OXCT1: variants seen among roughly 807,000 people sequenced by gnomAD.
OXCT1 encodes succinyl-CoA:3-ketoacid coenzyme A transferase 1, mitochondrial.
A neutral mutation model predicts 69.6 loss-of-function variants in OXCT1; 27 were observed. The observed-to-expected ratio is 0.39, with a 90% confidence interval of 0.29 to 0.54. The LOEUF is 0.54. OXCT1 is among the 20% of genes least tolerant of loss of function. OXCT1 has a pLI of 0.72. For missense variants in OXCT1, 437 were observed against 650.2 expected (o/e 0.67, Z 3.57); for synonymous variants, 202 against 217.8 (o/e 0.93, Z 0.64).
chr5:41,811,763 C>T (rs921814260), intron 7 of OXCT1, among the ~76,000 whole-genome samples: 2 of 151,894 alleles, frequency 1.3e-5, no homozygotes, highest in Non-Finnish European at 2.9e-5. Flanking sequence ...TCATTGAAAC[C>T]GAGTAGATGG....
intron 13 of OXCT1, among the ~76,000 whole-genome samples, chr5:41,793,688 A>G (rs1281404908): frequency 6.6e-6 from 1 of 152,338 alleles, no homozygotes; most frequent in East Asian, 1.9e-4. Flanking sequence ...AATTTTAGTT[A>G]TGGTAAATAT....
At position 41,801,080 on chromosome 5, in the gene OXCT1, A is replaced by G. The variant is rs1346375494; in HGVS notation, c.1051-10T>C. 2 of 1,595,924 alleles carry G rather than the reference A, an allele frequency of 1.3e-6. No individual in the cohort carries two copies. Among genetic ancestry groups the G allele is most frequent in the African/African-American group, 1.3e-5 (1 of 74,582 alleles). On this transcript the variant is annotated splice_polypyrimidine_tract_variant and intron_variant, in intron 10 of 16. Transcript: ENST00000196371. ...GTCGTGGATATGGACCCTGTCAAAT[A>G]CAACATACATTCAATTAGTAAATGA...
At chr5:41,743,556 T>C (rs1743304800) in intron 15 of OXCT1, among the ~76,000 whole-genome samples, 2 of 152,228 alleles carry the variant, frequency 1.3e-5, no homozygotes, top group East Asian at 1.9e-4. Flanking sequence ...TCCTCGCCCA[T>C]GCCTATGTCC....
chr5:41,861,277 T>TTCTC, intron 3 of OXCT1, 37 bp downstream of exon 3: 1 of 1,280,136 alleles, frequency 7.8e-7, no homozygotes, highest in Non-Finnish European at 1.1e-6. Flanking sequence ...GAATTGGCAT[T>TTCTC]TCTCTCCAGC....
intron 3 of OXCT1, among the ~76,000 whole-genome samples, chr5:41,856,748 G>C (rs1749446645): frequency 1.3e-5 from 2 of 152,150 alleles, no homozygotes; most frequent in Admixed American, 1.3e-4. Context: ...TGGTTCAAAA[G>C]AAAACTAATG....
chr5:41,842,682 T>C lies in OXCT1; in HGVS notation c.664A>G (p.Ile222Val). 6.2e-7 allele frequency: 1 copy of C among 1,609,504 alleles called. No individual in the cohort carries two copies. The highest frequency in any genetic ancestry group is 1.7e-5 in the Admixed American group (1 of 60,004). Residue 222 changes from isoleucine to valine, a missense_variant, in exon 6 of 17, where the codon ATT (isoleucine) becomes GTT (valine). Coordinates refer to ENST00000196371, the MANE Select transcript of OXCT1 (RefSeq NM_000436.4). ...AWKADRAGNV[I>V]FRKSARNFNL... ...TTAAAACTATCACAATACCTGAAAA[T>C]CACGTTTCCTGCTCGGTCCGCCTTC...
At chr5:41,825,860 T>A (rs1486387035) in intron 7 of OXCT1, among the ~76,000 whole-genome samples, 2 of 152,196 alleles carry the variant, frequency 1.3e-5, no homozygotes, top group Non-Finnish European at 2.9e-5. Flanking sequence ...CTTTTCTTTC[T>A]TAAAGAATAA....
chr5:41,759,380 A>G (rs990879774), intron 14 of OXCT1, among the ~76,000 whole-genome samples: 2 of 152,158 alleles, frequency 1.3e-5, no homozygotes, highest in Non-Finnish European at 2.9e-5. Flanking sequence ...TTTAAAGGGC[A>G]GAAGATAAGA....
chr5:41,756,063 A>G (rs1319036411), intron 14 of OXCT1, among the ~76,000 whole-genome samples: 1 of 152,106 alleles, frequency 6.6e-6, no homozygotes, highest in Non-Finnish European at 1.5e-5. Flanking sequence ...ATTAAAAAAC[A>G]CAAGGTTTAT....
chr5:41,835,610 C>T (rs935867912), intron 7 of OXCT1, among the ~76,000 whole-genome samples: 7 of 152,152 alleles, frequency 4.6e-5, no homozygotes, highest in African/African-American at 1.4e-4. Context: ...GCAAACATAC[C>T]ACAATATAAA....
intron 9 of OXCT1, among the ~76,000 whole-genome samples, chr5:41,803,471 T>C (rs570467211): frequency 6.6e-6 from 1 of 152,262 alleles, no homozygotes; most frequent in African/African-American, 2.4e-5. Flanking sequence ...TTTGGGTTTA[T>C]GTATTATAAC....
chr5:41,793,719 G>A (rs556706955), intron 13 of OXCT1, among the ~76,000 whole-genome samples: 1 of 152,246 alleles, frequency 6.6e-6, no homozygotes, highest in East Asian at 1.9e-4. Context: ...TATTTTCAGA[G>A]TATAATTAGC....
intron 3 of OXCT1, among the ~76,000 whole-genome samples, chr5:41,857,721 T>A (rs1476174057): frequency 6.6e-6 from 1 of 152,136 alleles, no homozygotes; most frequent in African/African-American, 2.4e-5. Flanking sequence ...CAATACAAAT[T>A]CCAGTGTTCT....
At chr5:41,842,646 C>T (rs748769064) in intron 6 of OXCT1, 29 bp downstream of exon 6, 78 of 1,444,044 alleles carry the variant, frequency 5.4e-5, no homozygotes, top group Non-Finnish European at 7.3e-5. Flanking sequence ...TGCTGATATG[C>T]ACGAGTGTTT....
At chr5:41,854,564 C>G (rs988518503) in intron 3 of OXCT1, among the ~76,000 whole-genome samples, 4 of 151,572 alleles carry the variant, frequency 2.6e-5, no homozygotes, top group African/African-American at 7.3e-5. Flanking sequence ...AATACTTGAC[C>G]TTAAGCTTTT....
chr5:41,761,952 G>C (rs1744370315), intron 14 of OXCT1, among the ~76,000 whole-genome samples, 159 bp downstream of exon 14: 1 of 152,122 alleles, frequency 6.6e-6, no homozygotes. Context: ...TAAATAATAA[G>C]TAACTGTTTT....
intron 13 of OXCT1, among the ~76,000 whole-genome samples, chr5:41,788,911 T>C (rs1206081198): frequency 6.6e-6 from 1 of 152,158 alleles, no homozygotes; most frequent in African/African-American, 2.4e-5. Flanking sequence ...GGACTGAAAC[T>C]ATAAAGTGTG....
rs1384748044 is a variant in OXCT1, at chr5:41,853,322, C to T, written c.414+97G>A. ...TCCCTGGTTTGGCAAAGTACTATTC[C>T]TTCTGCCTTACCTCTTTTGCACAAA... On this transcript the variant is annotated intron_variant, in intron 4 of 16. Transcript: ENST00000196371. 2.7e-6 allele frequency: 3 copies of T among 1,101,752 alleles called. No individual in the cohort carries two copies. The African/African-American group carries it at 4.7e-5, about 17-fold the overall frequency. 68.2% of individuals were successfully genotyped at this position (1,101,752 alleles called of 1,614,324 possible). A position where few individuals can be genotyped will look rare whatever the true frequency, so the allele number is the denominator to read the frequency against.
At chr5:41,772,328 G>A (rs1479568480) in intron 13 of OXCT1, among the ~76,000 whole-genome samples, 4 of 150,672 alleles carry the variant, frequency 2.7e-5, no homozygotes, top group African/African-American at 4.9e-5. Flanking sequence ...TAATTACACC[G>A]CCATCACTGA....
Sources: gnomAD v4.1 joint callset for allele counts (sites outside exome capture counted in the v4.1 genomes callset) on GRCh38, gnomAD v4.1.1 for gene constraint, MANE v1.5 for transcripts, NCBI Gene and HGNC (gene_info 2026-07-23, HGNC 2026-07-21) for gene names.